The following MED12L variants were observed in gnomAD, a reference collection of about 807,000 sequenced individuals.
The protein encoded by MED12L is mediator complex subunit 12L.
In MED12L, 60 loss-of-function variants were observed where a neutral mutation model predicts 281.3. The ratio of observed to expected loss-of-function variants is 0.21; its 90% confidence interval spans 0.17 to 0.26. MED12L has a LOEUF of 0.26. Ranked by LOEUF, MED12L falls within the 10% of genes least tolerant of loss-of-function variation. The pLI is 1.00. For missense variants in MED12L, 2,146 were observed against 2,680.9 expected (o/e 0.80, Z 4.41); for synonymous variants, 974 against 987.2 (o/e 0.99, Z 0.25).
intron 16 of MED12L, among the ~76,000 whole-genome samples, chr3:151,260,133 G>A (rs1738583474): frequency 6.6e-6 from 1 of 152,166 alleles, no homozygotes; most frequent in South Asian, 2.1e-4. Context: ...CAGATCATGA[G>A]TGTGTTTCAG....
rs372842503 is a variant in MED12L, at chr3:151,415,989, G to T, written c.6298-323G>T. ...GTAAGAAGGGATAAAACATGCGGAAGGACAAAGGACATGAAAGGAATTAAA... is the reference window on the plus strand; with the variant it reads ...GTAAGAAGGGATAAAACATGCGGAATGACAAAGGACATGAAAGGAATTAAA... On this transcript the variant is annotated intron_variant, in intron 42 of 44. Coordinates refer to ENST00000687756, the MANE Select transcript of MED12L (RefSeq NM_001393769.1). 2.6e-5 allele frequency among the ~76,000 whole-genome samples: 4 copies of T among 152,298 alleles called. No homozygotes were observed. In the South Asian group the frequency reaches 8.3e-4, roughly 32 times the overall value.
chr3:151,338,748 G>A (rs1751385430), intron 16 of MED12L: 2 of 1,613,912 alleles, frequency 1.2e-6, no homozygotes, highest in Non-Finnish European at 1.7e-6. Flanking sequence ...AAACAGGACA[G>A]TGTAGAGCAG....
chr3:151,374,278 C>T (rs554161455), intron 27 of MED12L, among the ~76,000 whole-genome samples: 21 of 152,252 alleles, frequency 1.4e-4, no homozygotes, highest in African/African-American at 4.6e-4. Flanking sequence ...TAGGGCGCAG[C>T]GGCTCAAGCC....
chr3:151,160,040 C>T lies in MED12L; in HGVS notation c.1046C>T (p.Ser349Leu). 6.2e-7 allele frequency: 1 copy of T among 1,614,188 alleles called. No homozygotes were observed. The highest frequency in any genetic ancestry group is 1.6e-4 in the Middle Eastern group (1 of 6,062). The change falls in exon 8 of 45, where the codon TCA becomes TTA. Residue 349 changes from serine to leucine, a missense_variant. This residue lies in a region of MED12L where 722 missense variants were observed against 861.2 expected (regional missense o/e 0.84). Coordinates refer to ENST00000687756, the MANE Select transcript of MED12L (RefSeq NM_001393769.1). Reference sequence around the variant, plus strand: ...ATGAGCCCCGTGCAGCTGGCCTTCTCAGATTTTCTTTCCTGTGCACAGCAT... The same window carrying T: ...ATGAGCCCCGTGCAGCTGGCCTTCTTAGATTTTCTTTCCTGTGCACAGCAT... ...PGMSPVQLAF[S>L]DFLSCAQHGP...
At chr3:151,415,216 T>TCAACTC (rs1717405543) in intron 42 of MED12L, among the ~76,000 whole-genome samples, 2 of 152,252 alleles carry the variant, frequency 1.3e-5, no homozygotes, top group African/African-American at 4.8e-5. Context: ...TATGTCCTTC[T>TCAACTC]GGTAATTTTT....
chr3:151,293,638 TACACAC>T (rs199892582), intron 16 of MED12L, among the ~76,000 whole-genome samples: 5,995 of 99,532 alleles, frequency 0.06, 246 homozygotes, highest in Non-Finnish European at 0.077. Context: ...ATGAAGCCCT[TACACAC>T]ACACACACAC....
intron 16 of MED12L, among the ~76,000 whole-genome samples, chr3:151,207,105 G>A (rs1245728011): frequency 6.6e-6 from 1 of 150,500 alleles, no homozygotes; most frequent in African/African-American, 2.5e-5. Context: ...GGAGTGCAGT[G>A]GTTATTCAGA....
At chr3:151,384,006 C>T in intron 34 of MED12L, 77 bp from the exon 35 acceptor site, 1 of 1,518,142 alleles carries the variant, frequency 6.6e-7, no homozygotes, top group Non-Finnish European at 9.0e-7. Flanking sequence ...AAATTCTGTG[C>T]CTTGAATAAA....
chr3:151,327,596 C>A, intron 16 of MED12L: 2 of 151,718 alleles, frequency 1.3e-5, no homozygotes, highest in Non-Finnish European at 2.9e-5. Flanking sequence ...CACATATCTA[C>A]ATTTAAGGGG....
chr3:151,283,751 G>T (rs1743111892), intron 16 of MED12L, among the ~76,000 whole-genome samples: 1 of 152,178 alleles, frequency 6.6e-6, no homozygotes, highest in South Asian at 2.1e-4. Flanking sequence ...CCGTGCTCTG[G>T]TTCTGCAAGT....
At chr3:151,194,429 TAA>T (rs1354241223) in intron 16 of MED12L, among the ~76,000 whole-genome samples, 2 of 152,178 alleles carry the variant, frequency 1.3e-5, no homozygotes, top group African/African-American at 2.4e-5. Flanking sequence ...CAAACATCTA[TAA>T]ATGGCAAGCC....
rs775491349 is a variant in MED12L at position 151,385,019 on chromosome 3, T to C, written c.4927-11T>C. The stretch of plus-strand genomic sequence containing the variant: ...CACTTCTCACTCTCTCTCTCTCTCT[T>C]TTTTCTTTAGAAAGAGCTAGGAGAC... On this transcript the variant is annotated splice_polypyrimidine_tract_variant and intron_variant, in intron 35 of 44. Coordinates refer to ENST00000687756, the MANE Select transcript of MED12L (RefSeq NM_001393769.1). 8.7e-6 allele frequency: 12 copies of C among 1,379,896 alleles called. No homozygotes were observed. The East Asian group carries it at 1.4e-4, about 16-fold the overall frequency. The allele number at this position is 1,379,896 out of a possible 1,614,324, so 85.5% of individuals were successfully genotyped here.
At chr3:151,299,356 C>CCTTCTTTCTTTTCTTTTCTTTTCT (rs1745553880) in intron 16 of MED12L, among the ~76,000 whole-genome samples, 1 of 94,352 alleles carries the variant, frequency 1.1e-5, no homozygotes, top group Non-Finnish European at 2.1e-5. Flanking sequence ...TTCCTTCCTT[C>CCTTCTTTCTTTTCTTTTCTTTTCT]TTTCTTTTCT....
chr3:151,408,059 A>G (rs560169175), intron 39 of MED12L, among the ~76,000 whole-genome samples: 1 of 152,216 alleles, frequency 6.6e-6, no homozygotes, highest in African/African-American at 2.4e-5. Flanking sequence ...GAGGCATCTC[A>G]TGATAATGGA....
intron 28 of MED12L, 54 bp from the exon 29 acceptor site, chr3:151,376,746 G>T: frequency 7.1e-7 from 1 of 1,410,522 alleles, no homozygotes; most frequent in Non-Finnish European, 1.0e-6. Context: ...AGAAATTACT[G>T]TATTTTAACA....
intron 16 of MED12L, among the ~76,000 whole-genome samples, chr3:151,348,745 C>T (rs1283652827): frequency 6.6e-6 from 1 of 152,124 alleles, no homozygotes; most frequent in Non-Finnish European, 1.5e-5. Context: ...GAAAGACAGA[C>T]CGACACAAAG....
In MED12L at chr3:151,263,742, G is replaced by C. The variant is rs555556201; in HGVS notation, c.2250+70076G>C. ...ATTAAGAATGCAGGCTACAGGGTTG[G>C]AATTCCTGGATTCCCGTACCACCCC... On this transcript the variant is annotated intron_variant, in intron 16 of 44. Coordinates refer to ENST00000687756, the MANE Select transcript of MED12L (RefSeq NM_001393769.1). 9.1e-5 allele frequency among the ~76,000 whole-genome samples: 12 copies of C among 131,804 alleles called. No individual in the cohort carries two copies. The South Asian group carries it at 2.9e-3, about 32-fold the overall frequency. The allele number at this position is 131,804 out of a possible 152,430, so 86.5% of individuals were successfully genotyped here.
chr3:151,145,227 A>G (rs1220348736), intron 5 of MED12L, among the ~76,000 whole-genome samples: 1 of 151,810 alleles, frequency 6.6e-6, no homozygotes, highest in Non-Finnish European at 1.5e-5. Flanking sequence ...GCCCTTCACC[A>G]CTCTTAAGCT....
intron 16 of MED12L, among the ~76,000 whole-genome samples, chr3:151,325,696 T>C (rs1749515109): frequency 1.3e-5 from 2 of 152,232 alleles, no homozygotes; most frequent in Admixed American, 1.3e-4. Flanking sequence ...TTTGTATTTA[T>C]GGATGACAGA....
Sources: allele counts gnomAD v4.1 joint callset (sites outside exome capture counted in the v4.1 genomes callset), GRCh38; gene constraint gnomAD v4.1.1; regional missense constraint gnomAD v4.1.1; transcripts MANE v1.5; gene names NCBI Gene and HGNC (gene_info 2026-07-23, HGNC 2026-07-21).